The following MALRD1 variants were observed in gnomAD, a reference collection of about 807,000 sequenced individuals.
The protein encoded by MALRD1 is MAM and LDL receptor class A domain containing 1.
MALRD1 carries 247 observed loss-of-function variants against 242.1 expected under a neutral mutation model. That is an observed-to-expected ratio of 1.02 (90% confidence interval 0.92 to 1.13). The LOEUF is 1.13. Among genes scored for constraint, MALRD1 ranks in the 50% most tolerant of loss-of-function variants. MALRD1 has a pLI of 0.00. For missense variants in MALRD1, 2,989 were observed against 2,533.1 expected (o/e 1.18, Z -3.86); for synonymous variants, 995 against 866.6 (o/e 1.15, Z -2.60).
chr10:19,257,829 G>T, intron 19 of MALRD1, 58 bp downstream of exon 19: 1 of 1,165,660 alleles, frequency 8.6e-7, no homozygotes, highest in South Asian at 1.8e-5. Context: ...TGGAAAACTT[G>T]CAAGGAAATC....
intron 14 of MALRD1, among the ~76,000 whole-genome samples, chr10:19,193,841 AAT>A (rs55923609): frequency 1.3e-3 from 188 of 149,730 alleles, no homozygotes; most frequent in African/African-American, 4.3e-3. Flanking sequence ...GGGGAAAAAA[AAT>A]ATATATATAT....
In MALRD1 at chr10:19,416,011, G is replaced by A. The variant is rs968464501; in HGVS notation, c.4845+26402G>A. 9.7e-4 allele frequency among the ~76,000 whole-genome samples: 148 copies of A among 152,292 alleles called. 1 individual carries two copies. The highest frequency in any genetic ancestry group is 4.4e-5 in the Non-Finnish European group (3 of 68,026). ...AGGAAAGTTTTCGGATTTGTCTGTGGCTATAAACAAACTGCTTATATGTTA... is the reference window on the plus strand; with the variant it reads ...AGGAAAGTTTTCGGATTTGTCTGTGACTATAAACAAACTGCTTATATGTTA... On this transcript the variant is annotated intron_variant, in intron 28 of 39. Transcript: ENST00000454679.
At chr10:19,651,299 T>C (rs1840875434) in intron 36 of MALRD1, among the ~76,000 whole-genome samples, 1 of 152,194 alleles carries the variant, frequency 6.6e-6, no homozygotes, top group African/African-American at 2.4e-5. Context: ...GCTATGGTGA[T>C]CTAGTTCTTA....
At chr10:19,198,115 G>A (rs144876434) in intron 14 of MALRD1, among the ~76,000 whole-genome samples, 90 of 152,134 alleles carry the variant, frequency 5.9e-4, no homozygotes, top group Admixed American at 1.6e-3. Flanking sequence ...CAAAGTGGTA[G>A]TATACATAGA....
Position 19,159,122 on chromosome 10 carries a change from A to G in MALRD1, c.1656+3950A>G, listed in dbSNP as rs544559755. ...CGGAAAAACAGATTCGGTTTTATTG[A>G]AGATTCTAACCCTCAGCATAAGCTT... On this transcript the variant is annotated intron_variant, in intron 12 of 39. Coordinates refer to ENST00000454679, the MANE Select transcript of MALRD1 (RefSeq NM_001142308.3). Among the ~76,000 whole-genome samples, 27 of 152,324 alleles carry G rather than the reference A, an allele frequency of 1.8e-4. 1 individual carries two copies. The South Asian group carries it at 5.6e-3, about 32-fold the overall frequency.
intron 31 of MALRD1, among the ~76,000 whole-genome samples, chr10:19,523,287 A>G (rs777023086): frequency 7.9e-5 from 12 of 152,158 alleles, no homozygotes; most frequent in Non-Finnish European, 1.5e-4. Context: ...TGCCCATTAC[A>G]TATGCATTAA....
chr10:19,576,209 C>T (rs1005147940), intron 33 of MALRD1, among the ~76,000 whole-genome samples: 3 of 152,182 alleles, frequency 2.0e-5, no homozygotes, highest in Non-Finnish European at 4.4e-5. Flanking sequence ...ACCCCTCTGA[C>T]ATCACTATGA....
intron 36 of MALRD1, among the ~76,000 whole-genome samples, chr10:19,688,114 C>T (rs539679080): frequency 0.013 from 2,004 of 152,168 alleles, 143 homozygotes; most frequent in Admixed American, 0.11. Context: ...GGATTACAGG[C>T]ACCCGCCACC....
chr10:19,102,144 CTA>C (rs1487788857), intron 4 of MALRD1, among the ~76,000 whole-genome samples: 1 of 141,814 alleles, frequency 7.1e-6, no homozygotes, highest in East Asian at 2.1e-4. Context: ...TATTATATAA[CTA>C]TGTATATGAT....
At chr10:19,544,555 T>G (rs912128375) in intron 32 of MALRD1, among the ~76,000 whole-genome samples, 29 of 151,694 alleles carry the variant, frequency 1.9e-4, no homozygotes, top group African/African-American at 5.6e-4. Context: ...TTTATAAGTT[T>G]TAATTGCTGT....
At chr10:19,212,800 GGC>G (rs1455155754) in intron 18 of MALRD1, among the ~76,000 whole-genome samples, 1 of 152,126 alleles carries the variant, frequency 6.6e-6, no homozygotes, top group Non-Finnish European at 1.5e-5. Context: ...AATAGATAGT[GGC>G]GTCTCGTTTT....
rs1034510495 is a variant in MALRD1, at chr10:19,531,225, A to C, written c.5352A>C (p.Ser1784=). 1 of 1,550,250 alleles carries C rather than the reference A, an allele frequency of 6.5e-7. No individual in the cohort carries two copies. The highest frequency in any genetic ancestry group is 1.4e-5 in the African/African-American group (1 of 73,038). Residue 1784 remains serine, a synonymous_variant, in exon 32 of 40, where the codon TCA becomes TCC. Transcript: ENST00000454679. ...GTCAGCACTTCCTGTACGTCAACTC[A>C]TCTGGCTCCAAGGAAGGATCCGTTG... ...GSGQHFLYVN[S]SGSKEGSVAR...
At chr10:19,501,322 G>C (rs886983381) in intron 31 of MALRD1, among the ~76,000 whole-genome samples, 3 of 152,016 alleles carry the variant, frequency 2.0e-5, no homozygotes, top group Non-Finnish European at 2.9e-5. Flanking sequence ...ACTAGATGTC[G>C]GAAGCACTCC....
rs114716200 is a variant in MALRD1 at position 19,635,178 on chromosome 10, T to C, written c.6137+19255T>C. Among the ~76,000 whole-genome samples the C allele has an allele frequency of 9.2e-3, 1,403 of 152,126 alleles. 19 individuals carry two copies. The highest frequency in any genetic ancestry group is 0.032 in the African/African-American group (1,316 of 41,492). On this transcript the variant is annotated intron_variant, in intron 36 of 39. Transcript: ENST00000454679. Reference sequence around the variant, plus strand: ...TAAGGAAAGTAACCCTAAAATCACTTCATAGAAAAACATCATAAGGGAGAA... The same window carrying C: ...TAAGGAAAGTAACCCTAAAATCACTCCATAGAAAAACATCATAAGGGAGAA...
At chr10:19,731,375 A>G (rs552445805) in intron 39 of MALRD1, among the ~76,000 whole-genome samples, 5 of 152,184 alleles carry the variant, frequency 3.3e-5, no homozygotes, top group African/African-American at 1.2e-4. Flanking sequence ...TTTTAGGTAT[A>G]GTTGACAAAA....
rs1843198848 is a variant in MALRD1, at chr10:19,327,743, T to C, written c.3687+70T>C. ...TTTTTCATCCTCATTTATTTCCTTC[T>C]CTACTCACAGTCTTCTTGCCCCCAT... On this transcript the variant is annotated intron_variant, in intron 23 of 39. Transcript: ENST00000454679. The C allele has an allele frequency of 2.4e-6, 3 of 1,235,900 alleles. No homozygotes were observed. In the South Asian group the frequency reaches 3.9e-5, roughly 16 times the overall value. The allele number at this position is 1,235,900 out of a possible 1,614,324, so 76.6% of individuals were successfully genotyped here.
At chr10:19,064,258 G>A (rs1834906117) in intron 1 of MALRD1, among the ~76,000 whole-genome samples, 1 of 152,178 alleles carries the variant, frequency 6.6e-6, no homozygotes, top group Non-Finnish European at 1.5e-5. Flanking sequence ...TTGTCCAACT[G>A]TGGCGTTATT....
chr10:19,477,036 A>G (rs910869277), intron 29 of MALRD1, among the ~76,000 whole-genome samples: 5 of 152,164 alleles, frequency 3.3e-5, no homozygotes, highest in African/African-American at 9.6e-5. Flanking sequence ...GCTCTATATA[A>G]TTCTTGATTT....
intron 28 of MALRD1, among the ~76,000 whole-genome samples, chr10:19,408,851 ACT>A (rs1833149946): frequency 6.6e-6 from 1 of 152,188 alleles, no homozygotes; most frequent in Non-Finnish European, 1.5e-5. Context: ...TGGTATAGAA[ACT>A]CTGTAACAAA....
Sources: allele counts gnomAD v4.1 joint callset (sites outside exome capture counted in the v4.1 genomes callset), GRCh38; gene constraint gnomAD v4.1.1; transcripts MANE v1.5; gene names NCBI Gene and HGNC (gene_info 2026-07-23, HGNC 2026-07-21).